The following PGBD5 variants were observed in gnomAD, a reference collection of about 807,000 sequenced individuals.
PGBD5 encodes piggyBac transposable element derived 5.
Under a neutral mutation model 47.9 loss-of-function variants are expected in PGBD5, and 14 were observed. The ratio of observed to expected loss-of-function variants is 0.29; its 90% CI spans 0.19 to 0.46. The LOEUF is 0.46. PGBD5 is among the 20% of genes least tolerant of loss of function. The probability of loss-of-function intolerance (pLI) is 1.00; values close to 1 mark genes in which losing one functional copy is unlikely to be tolerated. For missense variants in PGBD5, 635 were observed against 716.0 expected (o/e 0.89, Z 1.29); for synonymous variants, 316 against 306.3 (o/e 1.03, Z -0.33).
At chr1:230,422,280 G>A (rs564766735) in intron 1 of PGBD5, among the ~76,000 whole-genome samples, 7 of 152,156 alleles carry the variant, frequency 4.6e-5, no homozygotes, top group East Asian at 1.9e-4. Context: ...TGCCTCCTCC[G>A]AGAAACGAAT....
intron 1 of PGBD5, among the ~76,000 whole-genome samples, chr1:230,376,320 A>T (rs549398851): frequency 2.0e-5 from 3 of 152,238 alleles, no homozygotes; most frequent in East Asian, 1.9e-4. Context: ...GTCGTCCTGG[A>T]CTGAGCCCGC....
At chr1:230,418,725 A>C (rs1445929643) in intron 1 of PGBD5, among the ~76,000 whole-genome samples, 2 of 152,148 alleles carry the variant, frequency 1.3e-5, no homozygotes, top group African/African-American at 4.8e-5. Context: ...CTTGGTCTCA[A>C]ACAATTCTCC....
At chr1:230,371,932 A>C (rs865470) in intron 1 of PGBD5, among the ~76,000 whole-genome samples, 1 of 151,616 alleles carries the variant, frequency 6.6e-6, no homozygotes, top group East Asian at 1.9e-4. Flanking sequence ...CAAGCTACCT[A>C]AGCCCAGAGG....
intron 4 of PGBD5, among the ~76,000 whole-genome samples, chr1:230,335,800 G>GAC (rs1343738283): frequency 4.3e-3 from 12 of 2,766 alleles, no homozygotes; most frequent in South Asian, 0.016. Flanking sequence ...CAGGCACAAA[G>GAC]ACACACAGAC....
At chr1:230,363,655 G>A (rs377016911) in intron 1 of PGBD5, among the ~76,000 whole-genome samples, 17 of 152,058 alleles carry the variant, frequency 1.1e-4, no homozygotes, top group African/African-American at 3.4e-4. Context: ...GTTTTGCAGG[G>A]GTCAGTGAAA....
chr1:230,351,179 C>A, intron 2 of PGBD5, 87 bp from the exon 3 acceptor site: 1 of 1,406,626 alleles, frequency 7.1e-7, no homozygotes, highest in Non-Finnish European at 9.4e-7. Context: ...TCAGCCTCTG[C>A]ATTTGAGCAG....
At chr1:230,381,386 C>G (rs1446992585) in intron 1 of PGBD5, among the ~76,000 whole-genome samples, 1 of 152,266 alleles carries the variant, frequency 6.6e-6, no homozygotes, top group Non-Finnish European at 1.5e-5. Context: ...CACTCTGGAG[C>G]AGCCTCCTTC....
At chr1:230,361,147 T>C (rs1667735429) in intron 1 of PGBD5, among the ~76,000 whole-genome samples, 1 of 152,162 alleles carries the variant, frequency 6.6e-6, no homozygotes, top group Non-Finnish European at 1.5e-5. Context: ...GGTCTTCCCA[T>C]CACCTCCTCC....
intron 1 of PGBD5, among the ~76,000 whole-genome samples, chr1:230,420,454 C>T (rs558809958): frequency 1.9e-4 from 29 of 152,232 alleles, no homozygotes; most frequent in Non-Finnish European, 3.7e-4. Context: ...GGCTCTATGT[C>T]CCCACCCAAA....
intron 1 of PGBD5, among the ~76,000 whole-genome samples, chr1:230,422,947 G>A (rs1657691077): frequency 6.6e-6 from 1 of 151,710 alleles, no homozygotes; most frequent in African/African-American, 2.4e-5. Flanking sequence ...AACTCATAAT[G>A]GTCCCCAGTG....
chr1:230,355,017 G>A (rs981298032), intron 2 of PGBD5, among the ~76,000 whole-genome samples: 4 of 152,170 alleles, frequency 2.6e-5, no homozygotes, highest in Non-Finnish European at 4.4e-5. Context: ...TCCCCAGATT[G>A]AGCCTCATCT....
chr1:230,343,257 T>C (rs539691996), intron 3 of PGBD5, among the ~76,000 whole-genome samples: 1 of 152,210 alleles, frequency 6.6e-6, no homozygotes, highest in South Asian at 2.1e-4. Flanking sequence ...AAGCCTGAGG[T>C]GGTTCTTTCA....
intron 4 of PGBD5, chr1:230,336,360 A>G (rs12728098): frequency 0.92 from 140,379 of 152,246 alleles, 65,773 homozygotes; most frequent in East Asian, 1. Context: ...TCTACACCTC[A>G]TTACTTAAGA....
intron 1 of PGBD5, among the ~76,000 whole-genome samples, chr1:230,376,558 A>C (rs555372959): frequency 1.8e-3 from 140 of 78,588 alleles, no homozygotes; most frequent in African/African-American, 4.2e-3. Context: ...TGGATGGTTC[A>C]GTTGGATGGT....
intron 3 of PGBD5, among the ~76,000 whole-genome samples, chr1:230,341,478 C>T (rs929039387): frequency 2.0e-5 from 3 of 152,144 alleles, no homozygotes; most frequent in African/African-American, 7.2e-5. Context: ...CTAATGATCT[C>T]GTCCAGGTTT....
At chr1:230,413,511 C>T (rs761405536) in intron 1 of PGBD5, among the ~76,000 whole-genome samples, 5 of 151,706 alleles carry the variant, frequency 3.3e-5, no homozygotes, top group East Asian at 3.9e-4. Context: ...CATAAAAGGG[C>T]GGGGAGGGGA....
intron 3 of PGBD5, among the ~76,000 whole-genome samples, chr1:230,345,999 G>A (rs2102697591): frequency 6.6e-6 from 1 of 152,190 alleles, no homozygotes; most frequent in East Asian, 1.9e-4. Flanking sequence ...GGTACTACAG[G>A]AACTCGCCAC....
At chr1:230,411,035 G>C (rs1034351380) in intron 1 of PGBD5, among the ~76,000 whole-genome samples, 1 of 152,104 alleles carries the variant, frequency 6.6e-6, no homozygotes, top group African/African-American at 2.4e-5. Context: ...CCAGCACTTT[G>C]GGAGGCTGAA....
intron 5 of PGBD5, among the ~76,000 whole-genome samples, chr1:230,329,923 AT>A (rs1405299532): frequency 1.3e-5 from 2 of 152,248 alleles, no homozygotes; most frequent in African/African-American, 4.8e-5. Flanking sequence ...GACCTAAAGC[AT>A]GAGAGCAGAG....
Sources: gnomAD v4.1 joint callset for allele counts (sites outside exome capture counted in the v4.1 genomes callset) on GRCh38, gnomAD v4.1.1 for gene constraint, MANE v1.5 for transcripts, NCBI Gene and HGNC (gene_info 2026-07-23, HGNC 2026-07-21) for gene names.